The following AGAP1 variants were observed in gnomAD, a reference collection of about 807,000 sequenced individuals.
AGAP1 encodes ArfGAP with GTPase domain, ankyrin repeat and PH domain 1.
Under a neutral mutation model 105.3 loss-of-function variants are expected in AGAP1, and 29 were observed. The observed-to-expected ratio is 0.28, with a 90% CI of 0.21 to 0.38. The LOEUF is 0.38. AGAP1 is among the 10% of genes least tolerant of loss of function. The probability of loss-of-function intolerance (pLI) is 1.00; values close to 1 mark genes in which losing one functional copy is unlikely to be tolerated. For missense variants in AGAP1, 998 were observed against 1,165.1 expected (o/e 0.86, Z 2.09); for synonymous variants, 509 against 485.9 (o/e 1.05, Z -0.63).
intron 11 of AGAP1, among the ~76,000 whole-genome samples, chr2:235,923,719 T>C (rs1277727330): frequency 3.9e-5 from 6 of 152,242 alleles, no homozygotes; most frequent in Non-Finnish European, 7.3e-5. Flanking sequence ...TGTGCCGTGA[T>C]GTACCTACAG....
chr2:235,823,580 C>T (rs1958918007), intron 9 of AGAP1, among the ~76,000 whole-genome samples: 1 of 152,164 alleles, frequency 6.6e-6, no homozygotes, highest in Non-Finnish European at 1.5e-5. Flanking sequence ...AAGGTCCTTC[C>T]AGATGCTCTT....
At chr2:235,974,186 T>C (rs1225038547) in intron 13 of AGAP1, among the ~76,000 whole-genome samples, 1 of 152,178 alleles carries the variant, frequency 6.6e-6, no homozygotes, top group Admixed American at 6.5e-5. Flanking sequence ...CAGGGTCAGG[T>C]TGCTGGTAGG....
At chr2:236,037,398 CTG>C (rs1358015316) in intron 14 of AGAP1, 1 of 151,956 alleles carries the variant, frequency 6.6e-6, no homozygotes, top group Non-Finnish European at 1.5e-5. Context: ...ATATTTTAAC[CTG>C]TATTTTTTTT....
intron 13 of AGAP1, among the ~76,000 whole-genome samples, chr2:236,029,242 A>C (rs1359690934): frequency 6.6e-6 from 1 of 151,566 alleles, no homozygotes; most frequent in Non-Finnish European, 1.5e-5. Context: ...GTCTTTCACA[A>C]ACCTGCCTTC....
In AGAP1 at chr2:236,019,033, A is replaced by G. The variant is rs375119176; in HGVS notation, c.1646-17528A>G. Among the ~76,000 whole-genome samples the G allele has an allele frequency of 3.3e-5, 5 of 152,338 alleles. No homozygotes were observed. In the East Asian group the frequency reaches 7.7e-4, roughly 23 times the overall value. On this transcript the variant is annotated intron_variant, in intron 13 of 17. Coordinates refer to ENST00000304032, the MANE Select transcript of AGAP1 (RefSeq NM_001037131.3). ...TCTCCACTGAACAGCCCAGATGGTC[A>G]CTGTTCCTCTGAGCAGATGTGAGCA...
At chr2:235,800,223 T>C (rs940401920) in intron 8 of AGAP1, among the ~76,000 whole-genome samples, 3 of 151,562 alleles carry the variant, frequency 2.0e-5, no homozygotes, top group Admixed American at 6.6e-5. Context: ...TTCAGCCTTC[T>C]AAGTAGCTGG....
At chr2:235,542,222 G>GT (rs71064855) in intron 1 of AGAP1, among the ~76,000 whole-genome samples, 4 of 151,388 alleles carry the variant, frequency 2.6e-5, no homozygotes, top group South Asian at 2.1e-4. Flanking sequence ...GGTCCCGGGG[G>GT]GGGGCCAGTT....
chr2:235,541,804 T>G (rs1943451032), intron 1 of AGAP1, among the ~76,000 whole-genome samples: 1 of 152,220 alleles, frequency 6.6e-6, no homozygotes, highest in African/African-American at 2.4e-5. Context: ...TCTATAAACT[T>G]TATATAGATG....
intron 1 of AGAP1, among the ~76,000 whole-genome samples, chr2:235,632,487 C>T (rs1032221710): frequency 1.2e-4 from 19 of 152,192 alleles, no homozygotes; most frequent in African/African-American, 4.6e-4. Context: ...CTTTACATGC[C>T]TGATGGGCTT....
chr2:235,707,468 CATGA>C (rs1320936073), intron 1 of AGAP1, among the ~76,000 whole-genome samples: 8 of 63,430 alleles, frequency 1.3e-4, no homozygotes, highest in African/African-American at 2.9e-4. Context: ...TTGCCCTCCC[CATGA>C]CCCCCCCCCC....
At chr2:235,802,943 A>ATTGTGGTGATGGTGATGGTTGTG (rs1421738241) in intron 8 of AGAP1, among the ~76,000 whole-genome samples, 6 of 6,162 alleles carry the variant, frequency 9.7e-4, no homozygotes, top group Non-Finnish European at 1.3e-3. Context: ...TGATGGTTGT[A>ATTGTGGTGATGGTGATGGTTGTG]ATGGTGGTGA....
chr2:235,648,896 A>C (rs896767446), intron 1 of AGAP1, among the ~76,000 whole-genome samples: 7 of 151,502 alleles, frequency 4.6e-5, no homozygotes, highest in Admixed American at 3.3e-4. Flanking sequence ...AAAAAAAAAA[A>C]AAGTCATGTA....
In AGAP1 at chr2:236,036,129, T is replaced by C. The variant is rs2057372664; in HGVS notation, c.1646-432T>C. On this transcript the variant is annotated intron_variant, in intron 13 of 17. Coordinates refer to ENST00000304032, the MANE Select transcript of AGAP1 (RefSeq NM_001037131.3). The surrounding 1 kb of genome is among the most constrained non-coding windows in gnomAD (Gnocchi z 5.7). ...AGAACAGAACCTTCCCGCGTTCCTC[T>C]ATCCATGGAGTGTCTGTGGATCTAC... is the stretch of plus-strand genomic sequence containing the variant. 6.6e-6 allele frequency among the ~76,000 whole-genome samples: 1 copy of C among 152,126 alleles called. No individual in the cohort carries two copies. Among genetic ancestry groups the C allele is most frequent in the Non-Finnish European group, 1.5e-5 (1 of 68,012 alleles).
intron 13 of AGAP1, among the ~76,000 whole-genome samples, chr2:236,013,782 A>G (rs1285311918): frequency 1.3e-5 from 2 of 152,192 alleles, no homozygotes; most frequent in East Asian, 3.9e-4. Flanking sequence ...CGGCAGTCCA[A>G]GCCCTCTAGC....
At chr2:236,115,377 C>T (rs1362475834) in intron 16 of AGAP1, among the ~76,000 whole-genome samples, 2 of 152,144 alleles carry the variant, frequency 1.3e-5, no homozygotes, top group African/African-American at 4.8e-5. Flanking sequence ...ATTAGAAAGG[C>T]GAACGTCTAC....
chr2:235,852,612 A>G, intron 9 of AGAP1: 2 of 1,302,104 alleles, frequency 1.5e-6, no homozygotes, highest in Non-Finnish European at 2.0e-6. Flanking sequence ...AATTGAGTTT[A>G]TAATTAATTA....
intron 1 of AGAP1, 70 bp from the exon 2 acceptor site, chr2:235,709,109 C>A: frequency 6.7e-7 from 1 of 1,485,486 alleles, no homozygotes. Context: ...GAAAATGGCC[C>A]ATTGGAGGCA....
Position 235,653,298 on chromosome 2 carries a change from T to C in AGAP1, c.164-55881T>C, listed in dbSNP as rs569762438. 7.3e-5 allele frequency among the ~76,000 whole-genome samples: 11 copies of C among 151,442 alleles called. 1 individual carries two copies. The South Asian group carries it at 2.1e-3, about 29-fold the overall frequency. On this transcript the variant is annotated intron_variant, in intron 1 of 17. Coordinates refer to ENST00000304032, the MANE Select transcript of AGAP1 (RefSeq NM_001037131.3). Reference sequence around the variant, plus strand: ...GGCTATCACGGTGAAACACTGTCTCTCCTAAAAATAAAAAAATTAGCCTGG... The same window carrying C: ...GGCTATCACGGTGAAACACTGTCTCCCCTAAAAATAAAAAAATTAGCCTGG...
At chr2:235,985,013 T>A (rs1016044260) in intron 13 of AGAP1, among the ~76,000 whole-genome samples, 1 of 152,240 alleles carries the variant, frequency 6.6e-6, no homozygotes, top group Non-Finnish European at 1.5e-5. Context: ...CTCTAGATCC[T>A]TGAGGAATCG....
Sources: gnomAD v4.1 joint callset for allele counts (sites outside exome capture counted in the v4.1 genomes callset) on GRCh38, gnomAD v4.1.1 for gene constraint, Gnocchi (gnomAD v3.1) non-coding constraint, MANE v1.5 for transcripts, NCBI Gene and HGNC (gene_info 2026-07-23, HGNC 2026-07-21) for gene names.